The following APOBEC1 variants were observed in gnomAD, a reference collection of about 807,000 sequenced individuals.
APOBEC1 encodes C->U-editing enzyme APOBEC-1.
APOBEC1 carries 22 observed loss-of-function variants against 26.3 expected under a neutral mutation model. The observed-to-expected ratio is 0.84, with a 90% CI of 0.60 to 1.19. The LOEUF (loss-of-function observed/expected upper bound fraction) is 1.19. APOBEC1 is among the 50% of genes most tolerant of loss of function. The pLI, the probability that APOBEC1 is intolerant of heterozygous loss-of-function variation, is 0.00. For missense variants in APOBEC1, 253 were observed against 289.0 expected (o/e 0.88, Z 0.90); for synonymous variants, 77 against 95.3 (o/e 0.81, Z 1.12).
intron 1 of APOBEC1, among the ~76,000 whole-genome samples, chr12:7,660,363 G>GAAAAA (rs1565442332): frequency 2.9e-4 from 2 of 6,902 alleles, no homozygotes; most frequent in Admixed American, 7.3e-4. Flanking sequence ...AAGGAAGGAA[G>GAAAAA]GAAGGAAGGA....
rs192930513 is a variant in APOBEC1 at position 7,661,667 on chromosome 12, C to A, written c.16+4190G>T. Among the ~76,000 whole-genome samples the A allele has an allele frequency of 4.0e-3, 615 of 152,176 alleles. 3 individuals are homozygous for A. Among genetic ancestry groups the A allele is most frequent in the African/African-American group, 0.014 (578 of 41,502 alleles). Reference sequence around the variant, plus strand: ...TCCTATTGAACCAGCAAAAAAGGACCAGGCTCCAACTGGAGCCAAGTGGTT... The same window carrying A: ...TCCTATTGAACCAGCAAAAAAGGACAAGGCTCCAACTGGAGCCAAGTGGTT... On this transcript the variant is annotated intron_variant, in intron 1 of 4. Transcript: ENST00000229304.
intron 1 of APOBEC1, among the ~76,000 whole-genome samples, chr12:7,662,771 A>G (rs10845645): frequency 0.38 from 57,112 of 151,990 alleles, 12,349 homozygotes; most frequent in Non-Finnish European, 0.51. Context: ...TTCCAAGCAC[A>G]GGGAACACCA....
chr12:7,649,724 C>T (rs1345109164), intron 4 of APOBEC1, 28 bp from the exon 5 acceptor site: 1 of 1,485,130 alleles, frequency 6.7e-7, no homozygotes, highest in African/African-American at 1.4e-5. Flanking sequence ...TATATTTAAT[C>T]CTTAGGATGA....
chr12:7,668,012 A>T (rs1863914966), upstream of APOBEC1, among the ~76,000 whole-genome samples: 1 of 152,138 alleles, frequency 6.6e-6, no homozygotes, highest in Admixed American at 6.6e-5. Context: ...AAGTGCCAAA[A>T]GGGTCTTTGT....
rs758510531 is a variant in APOBEC1, at chr12:7,652,808, G to A, written c.72C>T (p.Asp24=). The A allele has an allele frequency of 3.4e-5, 54 of 1,599,210 alleles. 1 individual carries two copies. The South Asian group carries it at 3.9e-4, about 12-fold the overall frequency. Residue 24 remains aspartate (D), a synonymous_variant, in exon 3 of 5, where the codon GAC becomes GAT. Transcript: ENST00000229304. ...LRRRIEPWEF[D]VFYDPRELRK... is the part of the protein sequence containing the mutation. ...GAAGTTCTCTGGGGTCATAGAAGACGTCAAACTCCCAGGGTTCGATTCTTC... is the reference window on the plus strand; with the variant it reads ...GAAGTTCTCTGGGGTCATAGAAGACATCAAACTCCCAGGGTTCGATTCTTC...
intron 1 of APOBEC1, among the ~76,000 whole-genome samples, chr12:7,657,807 T>C (rs1863737231): frequency 6.6e-6 from 1 of 151,902 alleles, no homozygotes. Context: ...GCCCAGGAGG[T>C]TGAGGCTGCA....
Position 7,651,036 on chromosome 12 carries a change from T to C in APOBEC1, c.548A>G (p.His183Arg), listed in dbSNP as rs565348963. The C allele has an allele frequency of 5.0e-6, 8 of 1,611,892 alleles. No homozygotes were observed. Among genetic ancestry groups the C allele is most frequent in the Middle Eastern group, 1.7e-4 (1 of 6,058 alleles). ...AAAGTGACTTACTAGAATTATGCAGTGCAGCTCCAGTGCGTACAACATCAT... is the reference window on the plus strand; with the variant it reads ...AAAGTGACTTACTAGAATTATGCAGCGCAGCTCCAGTGCGTACAACATCAT... ...LWMMLYALEL[H>R]CIILSLPPCL... The change falls in exon 4 of 5, where the codon CAC becomes CGC. Residue 183 changes from histidine to arginine, a missense_variant. His to Arg is a conservative substitution (Grantham distance 29). Transcript: ENST00000229304.
chr12:7,663,898 C>CCACT (rs1863857548), intron 1 of APOBEC1, among the ~76,000 whole-genome samples: 2 of 152,156 alleles, frequency 1.3e-5, no homozygotes, highest in Non-Finnish European at 2.9e-5. Context: ...CTCTTGTTGC[C>CCACT]CAGGCTGGAG....
At chr12:7,661,813 G>C (rs1407107302) in intron 1 of APOBEC1, among the ~76,000 whole-genome samples, 3 of 152,160 alleles carry the variant, frequency 2.0e-5, no homozygotes, top group Admixed American at 6.5e-5. Context: ...GCTGCTCTTA[G>C]GTATAGAACC....
chr12:7,649,671 G>A lies in APOBEC1; in HGVS notation c.587C>T (p.Ser196Leu). Residue 196 changes from serine to leucine, a missense_variant, in exon 5 of 5, where the codon TCA becomes TTA. Ser to Leu is a moderately radical substitution (Grantham distance 145). Coordinates refer to ENST00000229304, the MANE Select transcript of APOBEC1 (RefSeq NM_001644.5). ...TGTAAGATGATTTTGCCATCTTCTT[G>A]AAATCTTTAAACAGGGTGGAAGACT... ...ILSLPPCLKI[S>L]RRWQNHLTFF... is the part of the protein sequence containing the mutation. 1 of 1,613,244 alleles carries A rather than the reference G, an allele frequency of 6.2e-7. No homozygotes were observed. The highest frequency in any genetic ancestry group is 8.5e-7 in the Non-Finnish European group (1 of 1,179,238).
At position 7,649,529 on chromosome 12, in the gene APOBEC1, C is replaced by T. The variant is rs1226950478; in HGVS notation, c.*18G>A. ...CATTGCTTGTTCTTGAATCAGTACA[C>T]ACACGGAATCATCCTATTCATCTCC... On this transcript the variant is annotated 3_prime_UTR_variant, in exon 5 of 5. Coordinates refer to ENST00000229304, the MANE Select transcript of APOBEC1 (RefSeq NM_001644.5). 4 of 1,612,696 alleles carry T rather than the reference C, an allele frequency of 2.5e-6. No homozygotes were observed. In the South Asian group the frequency reaches 3.3e-5, roughly 13 times the overall value.
At chr12:7,654,188 T>C (rs1005209079) in intron 2 of APOBEC1, among the ~76,000 whole-genome samples, 2 of 151,920 alleles carry the variant, frequency 1.3e-5, no homozygotes, top group African/African-American at 4.8e-5. Context: ...AGAAGAGAAA[T>C]TGTAAGACAA....
intron 4 of APOBEC1, among the ~76,000 whole-genome samples, chr12:7,650,531 C>A (rs746844305): frequency 6.6e-6 from 1 of 152,316 alleles, no homozygotes; most frequent in East Asian, 1.9e-4. Flanking sequence ...ACTTACCTCC[C>A]ACAAACACAC....
chr12:7,657,488 G>A (rs1863732763), intron 1 of APOBEC1, among the ~76,000 whole-genome samples: 1 of 152,100 alleles, frequency 6.6e-6, no homozygotes, highest in African/African-American at 2.4e-5. Flanking sequence ...AAGAAAGTGA[G>A]CAAGGGCTGT....
upstream of APOBEC1, among the ~76,000 whole-genome samples, chr12:7,668,036 T>C (rs1863915160): frequency 6.6e-6 from 1 of 151,842 alleles, no homozygotes; most frequent in Admixed American, 6.6e-5. Context: ...TAATTAAAAA[T>C]CTTGAGATGA....
At chr12:7,650,257 G>A (rs1203557028) in intron 4 of APOBEC1, among the ~76,000 whole-genome samples, 1 of 152,138 alleles carries the variant, frequency 6.6e-6, no homozygotes, top group Non-Finnish European at 1.5e-5. Flanking sequence ...TAATGATAAA[G>A]CCAGACATGA....
chr12:7,663,208 C>A (rs1463560838), intron 1 of APOBEC1, among the ~76,000 whole-genome samples: 1 of 152,110 alleles, frequency 6.6e-6, no homozygotes, highest in African/African-American at 2.4e-5. Flanking sequence ...GCATGCTTTA[C>A]CCTAGGCTGT....
chr12:7,649,795 T>A, intron 4 of APOBEC1, 99 bp from the exon 5 acceptor site: 1 of 996,358 alleles, frequency 1.0e-6, no homozygotes, highest in Non-Finnish European at 1.4e-6. Flanking sequence ...GAAGACGATT[T>A]AACTATTTCT....
At chr12:7,650,498 G>A (rs773130794) in intron 4 of APOBEC1, among the ~76,000 whole-genome samples, 5 of 152,086 alleles carry the variant, frequency 3.3e-5, no homozygotes, top group Non-Finnish European at 7.4e-5. Context: ...ATCTTAGATC[G>A]GTTTACCCAA....
Sources: gnomAD v4.1 joint callset for allele counts (sites outside exome capture counted in the v4.1 genomes callset) on GRCh38, gnomAD v4.1.1 for gene constraint, MANE v1.5 for transcripts, NCBI Gene and HGNC (gene_info 2026-07-23, HGNC 2026-07-21) for gene names.